Variants in SGCA observed in about 807,000 individuals in gnomAD.
SGCA encodes the protein alpha-sarcoglycan.
Under a neutral mutation model 38.1 loss-of-function variants are expected in SGCA, and 34 were observed. The ratio of observed to expected loss-of-function variants is 0.89; its 90% CI spans 0.68 to 1.19. The LOEUF is 1.19. Ranked by LOEUF, SGCA falls within the 50% of genes most tolerant of loss-of-function variation. The pLI is 0.00. For missense variants in SGCA, 476 were observed against 524.9 expected (o/e 0.91, Z 0.91); for synonymous variants, 209 against 214.6 (o/e 0.97, Z 0.23).
Position 50,167,181 on chromosome 17 carries a change from C to G in SGCA, c.38-187C>G, listed in dbSNP as rs187436528. ...TCTCCCTCGAATCCCGAAACCCAGACGATTAAAATGTCTAGCCCAGCAGGG... is the reference window on the plus strand; with the variant it reads ...TCTCCCTCGAATCCCGAAACCCAGAGGATTAAAATGTCTAGCCCAGCAGGG... On this transcript the variant is annotated intron_variant, in intron 1 of 9. Transcript: ENST00000262018. This position sits in a 1 kb window ranked among gnomAD's most constrained non-coding sequence, Gnocchi z 4.5. Among the ~76,000 whole-genome samples, 1 of 152,122 alleles carries G rather than the reference C, an allele frequency of 6.6e-6. No homozygotes were observed.
chr17:50,166,726 C>T, intron 1 of SGCA, among the ~76,000 whole-genome samples: 1 of 136,988 alleles, frequency 7.3e-6, no homozygotes, highest in African/African-American at 2.8e-5. Flanking sequence ...CACACACACC[C>T]TCACACACAC....
intron 6 of SGCA, 158 bp from the exon 7 acceptor site, chr17:50,169,985 A>G (rs1200741091): frequency 2.9e-6 from 2 of 685,192 alleles, no homozygotes; most frequent in African/African-American, 3.5e-5. Flanking sequence ...GATTCAAACC[A>G]GGAGGTCAGA....
At position 50,170,641 on chromosome 17, in the gene SGCA, C is replaced by T. The variant is rs1905303889; in HGVS notation, c.958C>T (p.Leu320=). 3.2e-6 allele frequency: 5 copies of T among 1,561,060 alleles called. No individual in the cohort carries two copies. The highest frequency in any genetic ancestry group is 1.2e-5 in the South Asian group (1 of 84,872). ...YVMCCRREGR[L]KRDLATSDIQ... is the part of the protein sequence containing the mutation. ...ACCCTCTCCTTCACTTTTCCACAGG[C>T]TGAAGAGAGACCTGGCTACCTCCGA... The change falls in exon 8 of 10, where the codon CTG becomes TTG. Residue 320 remains leucine, a splice_region_variant and synonymous_variant. Transcript: ENST00000262018.
At chr17:50,168,882 C>T (rs1239555411) in intron 5 of SGCA, among the ~76,000 whole-genome samples, 1 of 152,036 alleles carries the variant, frequency 6.6e-6, no homozygotes, top group Non-Finnish European at 1.5e-5. Context: ...TGTGTACTCT[C>T]ACCATGATCT....
chr17:50,170,479 G>A, intron 7 of SGCA, 128 bp downstream of exon 7: 1 of 1,357,192 alleles, frequency 7.4e-7, no homozygotes, highest in Non-Finnish European at 1.0e-6. Flanking sequence ...AAAGGAGTGT[G>A]GGGCCCCTTT....
intron 8 of SGCA, among the ~76,000 whole-genome samples, chr17:50,174,646 C>G (rs1905774477): frequency 6.6e-6 from 1 of 151,978 alleles, no homozygotes; most frequent in African/African-American, 2.4e-5. Context: ...TGCGCCCGGC[C>G]TGGTGGTAGG....
At chr17:50,168,167 G>A in intron 4 of SGCA, 148 bp downstream of exon 4, 1 of 864,090 alleles carries the variant, frequency 1.2e-6, no homozygotes. Context: ...TCAGGGAATG[G>A]GTGCTGGGCT....
chr17:50,174,771 C>T (rs1905785261), intron 8 of SGCA, among the ~76,000 whole-genome samples: 1 of 152,132 alleles, frequency 6.6e-6, no homozygotes, highest in African/African-American at 2.4e-5. Flanking sequence ...TATGTCTTGA[C>T]CACTGGGCAC....
At position 50,169,175 on chromosome 17, in the gene SGCA, C is replaced by T. The variant is rs1905168219; in HGVS notation, c.668C>T (p.Ala223Val). 6.2e-7 allele frequency: 1 copy of T among 1,614,012 alleles called. No individual in the cohort carries two copies. The highest frequency in any genetic ancestry group is 8.5e-7 in the Non-Finnish European group (1 of 1,179,990). The change falls in exon 6 of 10, where the codon GCC (alanine) becomes GTC (valine). Residue 223 changes from alanine (A) to valine (V), a missense_variant. Physicochemically the swap from Ala to Val is moderately conservative, Grantham distance 64 (BLOSUM62 0). Transcript: ENST00000262018. ...VASPDSHARC[A>V]QGQPPLLSCY... ...TCCCCCGATAGCCACGCCCGCTGTG[C>T]CCAGGGCCAGCCTCCACTTCTGTCT... is the stretch of plus-strand genomic sequence containing the variant.
chr17:50,175,154 C>T, intron 8 of SGCA, 103 bp from the exon 9 acceptor site: 1 of 1,068,100 alleles, frequency 9.4e-7, no homozygotes, highest in Non-Finnish European at 1.4e-6. Flanking sequence ...TCTCTCCCCA[C>T]ATAAGTGGTG....
intron 8 of SGCA, among the ~76,000 whole-genome samples, chr17:50,171,237 T>C (rs188527234): frequency 6.6e-6 from 1 of 152,306 alleles, no homozygotes; most frequent in East Asian, 1.9e-4. Flanking sequence ...TGGCTTCAGA[T>C]GCTCCACCTG....
chr17:50,173,300 C>T (rs1905617179), intron 8 of SGCA, among the ~76,000 whole-genome samples: 1 of 152,184 alleles, frequency 6.6e-6, no homozygotes, highest in African/African-American at 2.4e-5. Context: ...CAGAGTCCTC[C>T]AGGCCCCACG....
chr17:50,169,873 C>T (rs1905233504), intron 6 of SGCA: 1 of 562,886 alleles, frequency 1.8e-6, no homozygotes, highest in African/African-American at 1.9e-5. Flanking sequence ...ATTTTATGCT[C>T]ACCACCACTC....
chr17:50,166,378 G>C (rs1395069418), intron 1 of SGCA, among the ~76,000 whole-genome samples: 1 of 152,088 alleles, frequency 6.6e-6, no homozygotes, highest in Non-Finnish European at 1.5e-5. Flanking sequence ...CTGGGCCGCA[G>C]CTTCTAAGCC....
intron 7 of SGCA, 47 bp downstream of exon 7, chr17:50,170,398 C>A: frequency 6.4e-7 from 1 of 1,551,196 alleles, no homozygotes; most frequent in Non-Finnish European, 8.9e-7. Flanking sequence ...GGAGCTCACA[C>A]CCATGGGACT....
intron 8 of SGCA, chr17:50,172,199 C>G: frequency 2.2e-6 from 1 of 457,130 alleles, no homozygotes; most frequent in South Asian, 1.5e-5. Context: ...GAAAGAGGAT[C>G]AAGGACGGTC....
chr17:50,167,627 GACACCCAGACCTGCCCCGGTGGCTCCGCT>G lies in SGCA; in HGVS notation c.212_240del (p.Asp71AlafsTer24). ...ATCACCTACCACGCCCACCTCCAGGGACACCCAGACCTGCCCCGGTGGCTCCGCTACACCCAGCGCAGCCCCCACCACCC... is the reference window on the plus strand; with the variant it reads ...ATCACCTACCACGCCCACCTCCAGGGACACCCAGCGCAGCCCCCACCACCC... On this transcript the variant is annotated frameshift_variant, in exon 3 of 10. Coordinates refer to ENST00000262018, the MANE Select transcript of SGCA (RefSeq NM_000023.4). LOFTEE classifies it high-confidence loss of function. This position sits in a 1 kb window ranked among gnomAD's most constrained non-coding sequence, Gnocchi z 4.5. The G allele has an allele frequency of 6.2e-7, 1 of 1,613,770 alleles. No homozygotes were observed. Among genetic ancestry groups the G allele is most frequent in the Non-Finnish European group, 8.5e-7 (1 of 1,179,986 alleles).
At chr17:50,166,293 G>A (rs2144489034) in intron 1 of SGCA, among the ~76,000 whole-genome samples, 1 of 152,244 alleles carries the variant, frequency 6.6e-6, no homozygotes, top group Non-Finnish European at 1.5e-5. Flanking sequence ...GAGCTCTGAG[G>A]GCTGGAGGTG....
rs1905178588 is a variant in SGCA, at chr17:50,169,277, G to C, written c.747+23G>C. On this transcript the variant is annotated intron_variant, in intron 6 of 9. Coordinates refer to ENST00000262018, the MANE Select transcript of SGCA (RefSeq NM_000023.4). ...CTGGTGAGGAGGGACCCTGGGTCCG[G>C]GGGTGGGGTGGGGCATGGCCCCCAT... The C allele has an allele frequency of 3.8e-6, 6 of 1,595,908 alleles. No homozygotes were observed. In the Admixed American group the frequency reaches 1.0e-4, roughly 27 times the overall value.
Sources: allele counts gnomAD v4.1 joint callset (sites outside exome capture counted in the v4.1 genomes callset), GRCh38; gene constraint gnomAD v4.1.1; non-coding constraint Gnocchi (gnomAD v3.1); transcripts MANE v1.5; gene names NCBI Gene and HGNC (gene_info 2026-07-23, HGNC 2026-07-21).